PMPCB: variants seen among roughly 807,000 people sequenced by gnomAD.
PMPCB encodes mitochondrial-processing peptidase subunit beta.
Under a neutral mutation model 61.5 loss-of-function variants are expected in PMPCB, and 46 were observed. The ratio of observed to expected loss-of-function variants is 0.75; its 90% CI spans 0.59 to 0.96. The LOEUF (loss-of-function observed/expected upper bound fraction) is 0.96. PMPCB is among the 40% of genes least tolerant of loss of function. PMPCB has a pLI of 0.00. For missense variants in PMPCB, 590 were observed against 602.4 expected, an observed-to-expected ratio of 0.98 and a Z score of 0.22; for synonymous variants, 191 against 201.6, an observed-to-expected ratio of 0.95 and a Z score of 0.44.
At chr7:103,334,901 T>G in the PMPCB span, among the ~76,000 whole-genome samples, 3 of 152,200 alleles carry the variant, frequency 2.0e-5, no homozygotes, top group African/African-American at 7.2e-5. Flanking sequence ...TGGTGCAATC[T>G]CGGCTGGCTG....
At chr7:103,328,949 A>T in exon 13 of PMPCB, 1 of 1,215,198 alleles carries the variant, frequency 8.2e-7, no homozygotes, top group Non-Finnish European at 1.1e-6. Flanking sequence ...CACAGAAGTG[A>T]ACTTCATGAA....
intron 12 of PMPCB, chr7:103,327,284 GAAA>G (rs749664223): frequency 3.2e-5 from 27 of 849,060 alleles, no homozygotes; most frequent in Non-Finnish European, 3.8e-5. Flanking sequence ...CATCTGAAAC[GAAA>G]AAAAAAAAAA....
chr7:103,322,552 T>TTGCTTTCTTTTCTGCTTC, intron 12 of PMPCB: 1 of 1,572,492 alleles, frequency 6.4e-7, no homozygotes, highest in Non-Finnish European at 8.7e-7. Flanking sequence ...GCTTCTGCTT[T>TTGCTTTCTTTTCTGCTTC]TGCTTTCTTT....
chr7:103,332,523 TTTTAATTC>T (rs1819017851), downstream of PMPCB, among the ~76,000 whole-genome samples: 1 of 152,252 alleles, frequency 6.6e-6, no homozygotes, highest in South Asian at 2.1e-4. Context: ...GCATTAGAAT[TTTTAATTC>T]TTTAACACTT....
chr7:103,307,674 C>T lies in PMPCB; in HGVS notation c.815C>T (p.Pro272Leu), dbSNP rs1473589304. The change falls in exon 7 of 13, where the codon CCA becomes CTA. Residue 272 changes from proline to leucine, a missense_variant. Coordinates refer to ENST00000249269, the MANE Select transcript of PMPCB (RefSeq NM_004279.3). ...DSLCTHKGEIPALPPCKFTGS... is the reference protein window; with the variant it reads ...DSLCTHKGEILALPPCKFTGS... ...TTATGCACACACAAAGGAGAAATAC[C>T]AGCTCTGCCTCCCTGCAAATTCACA... is the stretch of plus-strand genomic sequence containing the variant. 1.9e-6 allele frequency: 3 copies of T among 1,612,160 alleles called. No homozygotes were observed. The highest frequency in any genetic ancestry group is 2.5e-6 in the Non-Finnish European group (3 of 1,178,364).
the PMPCB span, among the ~76,000 whole-genome samples, chr7:103,347,290 C>G: frequency 6.6e-6 from 1 of 152,146 alleles, no homozygotes; most frequent in African/African-American, 2.4e-5. Context: ...TTTGCATTTC[C>G]TAACAGTGAT....
chr7:103,297,576 C>T lies in PMPCB; in HGVS notation c.99+18C>T, dbSNP rs199769163. 2.0e-5 allele frequency: 32 copies of T among 1,611,412 alleles called. No individual in the cohort carries two copies. In the East Asian group the frequency reaches 5.8e-4, roughly 29 times the overall value. On this transcript the variant is annotated intron_variant, in intron 1 of 12. Transcript: ENST00000249269. ...CGGGACGGGTGAGCTTCCCTCCAGG[C>T]CGGTCCTGTCCTCGAGATCTCGCCA...
chr7:103,340,205 C>A, the PMPCB span, among the ~76,000 whole-genome samples: 1 of 152,216 alleles, frequency 6.6e-6, no homozygotes, highest in African/African-American at 2.4e-5. Context: ...GGAAGTATTT[C>A]TTCAAATAAC....
At chr7:103,329,160 C>G (rs535678519) in exon 13 of PMPCB, 3 of 339,658 alleles carry the variant, frequency 8.8e-6, no homozygotes, top group African/African-American at 6.6e-5. Flanking sequence ...CTCTGTGTGT[C>G]ACTTACAATT....
downstream of PMPCB, chr7:103,316,745 A>G (rs547077536): frequency 2.8e-5 from 32 of 1,137,878 alleles, no homozygotes; most frequent in East Asian, 3.5e-4. Context: ...AGTTTCTGTG[A>G]TAACAAGTGC....
In PMPCB at chr7:103,312,289, T is replaced by C. The variant is rs372553812; in HGVS notation, c.*18T>C. ...GTGATTAAAATGCTCCTAATCAAGA[T>C]TGTTTGAACACATGTATTTATAAAA... On this transcript the variant is annotated 3_prime_UTR_variant, in exon 13 of 13. Transcript: ENST00000249269. 2 of 1,607,824 alleles carry C rather than the reference T, an allele frequency of 1.2e-6. No homozygotes were observed. The highest frequency in any genetic ancestry group is 1.7e-6 in the Non-Finnish European group (2 of 1,179,808).
chr7:103,330,605 C>T (rs951562171), downstream of PMPCB, among the ~76,000 whole-genome samples: 1 of 152,136 alleles, frequency 6.6e-6, no homozygotes, highest in African/African-American at 2.4e-5. Context: ...CCATGTGCCA[C>T]TACGCCCGGC....
downstream of PMPCB, among the ~76,000 whole-genome samples, chr7:103,318,512 T>C (rs576630971): frequency 6.6e-6 from 1 of 152,320 alleles, no homozygotes; most frequent in East Asian, 1.9e-4. Flanking sequence ...TGGCCCTTCC[T>C]ATCCTACACC....
At chr7:103,300,128 T>TG in intron 3 of PMPCB, 50 bp from the exon 4 acceptor site, 1 of 1,533,804 alleles carries the variant, frequency 6.5e-7, no homozygotes, top group Non-Finnish European at 8.9e-7. Context: ...GTAGAATAGA[T>TG]GAAGTATAAA....
Position 103,314,684 on chromosome 7 carries a change from T to C in PMPCB, c.*2413T>C. 1.0e-6 allele frequency: 1 copy of C among 982,934 alleles called. No individual in the cohort carries two copies. Among genetic ancestry groups the C allele is most frequent in the Non-Finnish European group, 1.2e-6 (1 of 827,668 alleles). 60.9% of individuals were successfully genotyped at this position (982,934 alleles called of 1,614,324 possible). On this transcript the variant is annotated 3_prime_UTR_variant, in exon 13 of 13. Coordinates refer to ENST00000249269, the MANE Select transcript of PMPCB (RefSeq NM_004279.3). ...TAAAAGAACCGAAATAATGCCTAAC[T>C]CAGCCAAACAAGTCACTGCTGATTT...
At chr7:103,304,142 C>T in intron 5 of PMPCB, 102 bp downstream of exon 5, 1 of 944,644 alleles carries the variant, frequency 1.1e-6, no homozygotes. Flanking sequence ...TAATTTTCCC[C>T]CTGGTAATCT....
chr7:103,299,541 G>A lies in PMPCB; in HGVS notation c.327+12G>A, dbSNP rs774513434. ...ATATGGCTTTCAAGGCAAGTTGTAA[G>A]ACTTTACAAAAATGCACTCTCTTTA... On this transcript the variant is annotated intron_variant, in intron 3 of 12. Transcript: ENST00000249269. 1.3e-6 allele frequency: 2 copies of A among 1,555,896 alleles called. No homozygotes were observed. Among genetic ancestry groups the A allele is most frequent in the South Asian group, 1.1e-5 (1 of 88,394 alleles).
At chr7:103,341,751 A>C in the PMPCB span, 3 of 1,527,620 alleles carry the variant, frequency 2.0e-6, no homozygotes, top group Non-Finnish European at 2.6e-6. Flanking sequence ...CAAAATATTC[A>C]GATATTAAAT....
chr7:103,339,988 G>A, the PMPCB span, among the ~76,000 whole-genome samples: 117 of 152,224 alleles, frequency 7.7e-4, no homozygotes, highest in African/African-American at 2.6e-3. Flanking sequence ...ACAGGCATGT[G>A]CCACCACGCC....
Sources: allele counts gnomAD v4.1 joint callset (sites outside exome capture counted in the v4.1 genomes callset), GRCh38; gene constraint gnomAD v4.1.1; transcripts MANE v1.5; gene names NCBI Gene and HGNC (gene_info 2026-07-23, HGNC 2026-07-21).